The following CORIN variants were observed in gnomAD, a reference collection of about 807,000 sequenced individuals.
CORIN encodes atrial natriuretic peptide-converting enzyme.
A neutral mutation model predicts 125.3 loss-of-function variants in CORIN; 117 were observed. The ratio of observed to expected loss-of-function variants is 0.93; its 90% CI spans 0.80 to 1.09. CORIN has a LOEUF of 1.09. CORIN is among the 50% of genes least tolerant of loss of function. CORIN has a pLI of 0.00. For missense variants in CORIN, 1,253 were observed against 1,306.7 expected, an observed-to-expected ratio of 0.96 and a Z score of 0.63; for synonymous variants, 450 against 466.4, an observed-to-expected ratio of 0.96 and a Z score of 0.45.
chr4:47,753,481 C>T (rs895671822), intron 4 of CORIN, among the ~76,000 whole-genome samples: 2 of 152,182 alleles, frequency 1.3e-5, no homozygotes, highest in South Asian at 2.1e-4. Context: ...GAGACCAGGG[C>T]GTATTTCAGT....
chr4:47,595,993 C>A, intron 21 of CORIN, 90 bp from the exon 22 acceptor site: 1 of 989,250 alleles, frequency 1.0e-6, no homozygotes, highest in East Asian at 2.7e-5. Flanking sequence ...AAAGCTAAAC[C>A]CAGATTAACC....
chr4:47,624,914 C>T (rs567583281), intron 17 of CORIN, among the ~76,000 whole-genome samples: 2 of 151,506 alleles, frequency 1.3e-5, no homozygotes, highest in Admixed American at 1.3e-4. Context: ...ATATAATTTC[C>T]ACATTCCTTT....
intron 1 of CORIN, among the ~76,000 whole-genome samples, chr4:47,808,285 G>T (rs1460454456): frequency 6.6e-6 from 1 of 152,144 alleles, no homozygotes; most frequent in Non-Finnish European, 1.5e-5. Context: ...TTAAAAAAAT[G>T]AATGACCTTT....
intron 1 of CORIN, among the ~76,000 whole-genome samples, chr4:47,822,919 G>A (rs1360873662): frequency 3.3e-5 from 5 of 151,674 alleles, no homozygotes; most frequent in Admixed American, 6.6e-5. Context: ...GGGTTCAAGC[G>A]ATTCTCCTGT....
intron 2 of CORIN, among the ~76,000 whole-genome samples, chr4:47,799,038 C>G (rs1034735351): frequency 3.3e-5 from 5 of 151,896 alleles, no homozygotes; most frequent in Non-Finnish European, 7.4e-5. Context: ...TAATGGCCTC[C>G]CGCTACATCC....
At chr4:47,797,959 G>GTTATA (rs1164266748) in intron 2 of CORIN, among the ~76,000 whole-genome samples, 3 of 152,050 alleles carry the variant, frequency 2.0e-5, no homozygotes, top group African/African-American at 2.4e-5. Flanking sequence ...ATCAGTATCA[G>GTTATA]ACTATAACTA....
At chr4:47,750,296 A>AT (rs1207132114) in intron 4 of CORIN, among the ~76,000 whole-genome samples, 2 of 152,104 alleles carry the variant, frequency 1.3e-5, no homozygotes, top group Admixed American at 1.3e-4. Context: ...GAATTTTTAC[A>AT]TGTGTCATTG....
intron 21 of CORIN, among the ~76,000 whole-genome samples, chr4:47,596,880 A>C (rs1289096651): frequency 6.6e-6 from 1 of 152,170 alleles, no homozygotes; most frequent in Non-Finnish European, 1.5e-5. Flanking sequence ...AAAATACCTA[A>C]GAGTTTATAT....
intron 4 of CORIN, among the ~76,000 whole-genome samples, chr4:47,756,385 A>G (rs1028605154): frequency 2.0e-5 from 3 of 152,218 alleles, no homozygotes; most frequent in Admixed American, 2.0e-4. Context: ...ATCTGCCCCC[A>G]AACTTTCAAG....
chr4:47,834,172 T>C (rs897818646), intron 1 of CORIN, among the ~76,000 whole-genome samples: 3 of 152,106 alleles, frequency 2.0e-5, no homozygotes, highest in Non-Finnish European at 2.9e-5. Flanking sequence ...AGCAAAAACA[T>C]AGGAGCAGCC....
At chr4:47,686,392 C>T (rs1360019637) in intron 6 of CORIN, among the ~76,000 whole-genome samples, 1 of 151,982 alleles carries the variant, frequency 6.6e-6, no homozygotes, top group Non-Finnish European at 1.5e-5. Context: ...CAAATAAGGA[C>T]AGCCACCATA....
rs199638378 is a variant in CORIN at position 47,804,734 on chromosome 4, GGA to G, written c.208+2167_208+2168del. 2.1e-3 allele frequency among the ~76,000 whole-genome samples: 220 copies of G among 103,914 alleles called. 1 individual carries two copies. The highest frequency in any genetic ancestry group is 2.5e-3 in the Non-Finnish European group (127 of 50,832). The allele number at this position is 103,914 out of a possible 152,430, so 68.2% of individuals were successfully genotyped here. A position where few individuals can be genotyped will look rare whatever the true frequency, so the allele number is the denominator to read the frequency against. ...GGCTGGGAAGGATGGTGGGGGGTGG[GGA>G]GGGGGGGGGTTGTTAATGGGTACAA... On this transcript the variant is annotated intron_variant, in intron 2 of 21. Transcript: ENST00000273857.
intron 21 of CORIN, among the ~76,000 whole-genome samples, chr4:47,599,308 C>T (rs1052634954): frequency 1.3e-5 from 2 of 152,132 alleles, no homozygotes; most frequent in Non-Finnish European, 1.5e-5. Context: ...TAAGGAATCA[C>T]CACAGGGCCA....
intron 5 of CORIN, among the ~76,000 whole-genome samples, chr4:47,696,508 T>A (rs936360375): frequency 2.6e-5 from 4 of 152,192 alleles, no homozygotes; most frequent in Non-Finnish European, 5.9e-5. Flanking sequence ...TTGATCATCA[T>A]CTGATGAAGA....
chr4:47,774,414 G>C (rs1207053124), intron 3 of CORIN, among the ~76,000 whole-genome samples: 1 of 151,990 alleles, frequency 6.6e-6, no homozygotes, highest in Admixed American at 6.6e-5. Flanking sequence ...GGGGAATTTG[G>C]TATGATTTTT....
At chr4:47,743,867 A>T (rs1728533627) in intron 5 of CORIN, among the ~76,000 whole-genome samples, 1 of 152,074 alleles carries the variant, frequency 6.6e-6, no homozygotes, top group Non-Finnish European at 1.5e-5. Flanking sequence ...CCTGGGTGGC[A>T]GAGCAAGTCT....
intron 2 of CORIN, among the ~76,000 whole-genome samples, chr4:47,791,976 A>G (rs182491212): frequency 1.3e-5 from 2 of 152,240 alleles, no homozygotes; most frequent in East Asian, 3.9e-4. Flanking sequence ...TGAGAATGAT[A>G]TGCCTAGGAC....
At chr4:47,825,192 G>T (rs1732687705) in intron 1 of CORIN, among the ~76,000 whole-genome samples, 1 of 152,232 alleles carries the variant, frequency 6.6e-6, no homozygotes, top group Admixed American at 6.5e-5. Flanking sequence ...GCAACCAATT[G>T]CTGGGCTTGT....
chr4:47,677,047 T>C (rs1725053854), intron 9 of CORIN, among the ~76,000 whole-genome samples: 2 of 152,234 alleles, frequency 1.3e-5, no homozygotes, highest in African/African-American at 4.8e-5. Flanking sequence ...ACCTAATTTA[T>C]CTATAGGTGA....
Sources: gnomAD v4.1 joint callset for allele counts (sites outside exome capture counted in the v4.1 genomes callset) on GRCh38, gnomAD v4.1.1 for gene constraint, MANE v1.5 for transcripts, NCBI Gene and HGNC (gene_info 2026-07-23, HGNC 2026-07-21) for gene names.